Variants in RAB3GAP2 observed in about 807,000 individuals in gnomAD.
RAB3GAP2 encodes the protein rab3 GTPase-activating protein non-catalytic subunit.
Under a neutral mutation model 185.3 loss-of-function variants are expected in RAB3GAP2, and 87 were observed. The ratio of observed to expected loss-of-function variants is 0.47; its 90% CI spans 0.39 to 0.56. The LOEUF (loss-of-function observed/expected upper bound fraction) is 0.56. Among genes scored for constraint, RAB3GAP2 ranks in the 20% least tolerant of loss-of-function variants. The pLI is 0.00. For synonymous variants in RAB3GAP2, 554 were observed against 576.1 expected (o/e 0.96, Z 0.55); for missense variants, 1,492 against 1,638.2 (o/e 0.91, Z 1.54).
At chr1:220,224,080 AC>A (rs1659361437) in intron 2 of RAB3GAP2, among the ~76,000 whole-genome samples, 1 of 152,110 alleles carries the variant, frequency 6.6e-6, no homozygotes, top group South Asian at 2.1e-4. Flanking sequence ...AGGCTAGCTA[AC>A]ATTTATTGAG....
At chr1:220,251,990 A>G (rs1329115997) in intron 1 of RAB3GAP2, among the ~76,000 whole-genome samples, 1 of 152,070 alleles carries the variant, frequency 6.6e-6, no homozygotes, top group Non-Finnish European at 1.5e-5. Flanking sequence ...ATCTCTACAA[A>G]GAAATAGAAA....
rs951861495 is a variant in RAB3GAP2 at position 220,202,346 on chromosome 1, T to A, written c.741A>T (p.Gln247His). ...ATTTCTTATAAGCTAATGGTGGTGG[T>A]TGTATGTTCTCATTGCCTGATGCTG... ...KAAASGNENI[Q>H]PPPLAYKKWG... The change falls in exon 9 of 35, where the codon CAA (glutamine) becomes CAT (histidine). Residue 247 changes from glutamine to histidine, a missense_variant. Transcript: ENST00000358951. The A allele has an allele frequency of 1.9e-6, 3 of 1,613,742 alleles. No individual in the cohort carries two copies. Among genetic ancestry groups the A allele is most frequent in the Admixed American group, 1.7e-5 (1 of 59,996 alleles).
At chr1:220,210,293 C>CA (rs1393346840) in intron 7 of RAB3GAP2, 95 bp downstream of exon 7, 16 of 914,758 alleles carry the variant, frequency 1.7e-5, no homozygotes, top group Non-Finnish European at 2.2e-5. Context: ...TGCCACAAGA[C>CA]AAAGATCTCT....
At chr1:220,245,647 C>G (rs9430921) in intron 1 of RAB3GAP2, among the ~76,000 whole-genome samples, 67,080 of 149,268 alleles carry the variant, frequency 0.45, 17,053 homozygotes, top group African/African-American at 0.7. Context: ...CGGGAAGCCC[C>G]AACTGGGTGG....
chr1:220,191,274 G>A lies in RAB3GAP2; in HGVS notation c.1281C>T (p.Asp427=), dbSNP rs372594666. The part of the protein sequence containing the change: ...IAIRMWKGYR[D]AQIGWIQTVE... Reference sequence around the variant, plus strand: ...CAGTTTGAATCCATCCAATTTGTGCGTCGCGGTACCCTTAGAGACAGAGGT... The same window carrying A: ...CAGTTTGAATCCATCCAATTTGTGCATCGCGGTACCCTTAGAGACAGAGGT... Residue 427 remains aspartate (D), a synonymous_variant, in exon 14 of 35, where the codon GAC becomes GAT. Transcript: ENST00000358951. 75 of 1,586,596 alleles carry A rather than the reference G, an allele frequency of 4.7e-5. No individual in the cohort carries two copies. The Middle Eastern group carries it at 5.1e-4, about 11-fold the overall frequency.
chr1:220,157,879 G>GT lies in RAB3GAP2; in HGVS notation c.3262-4dup, dbSNP rs778765837. 35 of 1,611,746 alleles carry GT rather than the reference G, an allele frequency of 2.2e-5. No homozygotes were observed. In the African/African-American group the frequency reaches 4.1e-4, roughly 19 times the overall value. ...GCTGTGTCACTCATTCCCACATCCT[G>GT]TTTTTTAAAAAGGAACGTAATTAGG... On this transcript the variant is annotated splice_region_variant and splice_polypyrimidine_tract_variant and intron_variant, in intron 29 of 34. Coordinates refer to ENST00000358951, the MANE Select transcript of RAB3GAP2 (RefSeq NM_012414.4).
chr1:220,183,019 G>T, intron 19 of RAB3GAP2, 88 bp from the exon 20 acceptor site: 1 of 1,125,120 alleles, frequency 8.9e-7, no homozygotes, highest in South Asian at 1.3e-5. Context: ...AGCAAAAGTC[G>T]ACTTTTTAAT....
chr1:220,220,735 A>G (rs1659290211), intron 2 of RAB3GAP2: 1 of 154,374 alleles, frequency 6.5e-6, no homozygotes, highest in Non-Finnish European at 1.4e-5. Flanking sequence ...CTGATAGTGA[A>G]TGAGTCTCAC....
intron 21 of RAB3GAP2, among the ~76,000 whole-genome samples, chr1:220,180,808 C>A (rs1252301217): frequency 6.6e-6 from 1 of 152,164 alleles, no homozygotes; most frequent in Non-Finnish European, 1.5e-5. Context: ...AACAAGCTCA[C>A]AGAGGTAGGA....
chr1:220,167,689 A>G lies in RAB3GAP2; in HGVS notation c.2807-14T>C. 1.5e-5 allele frequency: 24 copies of G among 1,612,240 alleles called. No individual in the cohort carries two copies. The highest frequency in any genetic ancestry group is 1.9e-5 in the Non-Finnish European group (23 of 1,179,578). ...CTGCAATGCCACCTATAGTTTGGAGACAAGAAAGAAAATAAAAATTTACAA... is the reference window on the plus strand; with the variant it reads ...CTGCAATGCCACCTATAGTTTGGAGGCAAGAAAGAAAATAAAAATTTACAA... On this transcript the variant is annotated splice_polypyrimidine_tract_variant and intron_variant, in intron 24 of 34. Transcript: ENST00000358951.
At chr1:220,243,000 T>C (rs1388719456) in intron 1 of RAB3GAP2, among the ~76,000 whole-genome samples, 5 of 152,064 alleles carry the variant, frequency 3.3e-5, no homozygotes, top group Non-Finnish European at 5.9e-5. Context: ...TCATTTTCGT[T>C]TTTCAGGAAA....
intron 1 of RAB3GAP2, 33 bp downstream of exon 1, chr1:220,272,190 G>C (rs774780652): frequency 6.5e-7 from 1 of 1,545,936 alleles, no homozygotes; most frequent in Non-Finnish European, 8.8e-7. Flanking sequence ...CGGGTGACGA[G>C]GGAAGGAAGG....
intron 23 of RAB3GAP2, 93 bp downstream of exon 23, chr1:220,171,796 T>C (rs1658182430): frequency 6.8e-7 from 1 of 1,463,822 alleles, no homozygotes; most frequent in Admixed American, 1.7e-5. Context: ...CTCTCCCCGC[T>C]CCAAAAAACC....
chr1:220,264,832 C>A (rs142120823), intron 1 of RAB3GAP2, among the ~76,000 whole-genome samples: 245 of 152,250 alleles, frequency 1.6e-3, no homozygotes, highest in African/African-American at 5.7e-3. Flanking sequence ...CTCCTTCATT[C>A]TCTCCCATCA....
chr1:220,168,263 T>A (rs1236629742), intron 24 of RAB3GAP2, among the ~76,000 whole-genome samples: 3 of 152,166 alleles, frequency 2.0e-5, no homozygotes, highest in Non-Finnish European at 2.9e-5. Flanking sequence ...GTAATTTTTT[T>A]ATATTTTTAG....
At chr1:220,179,376 C>T (rs1032471607) in intron 21 of RAB3GAP2, among the ~76,000 whole-genome samples, 1 of 150,970 alleles carries the variant, frequency 6.6e-6, no homozygotes, top group African/African-American at 2.4e-5. Flanking sequence ...ATATATAAAG[C>T]AAATATTAAT....
At chr1:220,199,579 T>G (rs1007231821) in intron 9 of RAB3GAP2, among the ~76,000 whole-genome samples, 2 of 152,176 alleles carry the variant, frequency 1.3e-5, no homozygotes, top group African/African-American at 4.8e-5. Context: ...CCTGAACTTC[T>G]GACTCTCATG....
intron 8 of RAB3GAP2, 45 bp downstream of exon 8, chr1:220,205,862 A>G (rs764896945): frequency 7.3e-7 from 1 of 1,368,264 alleles, no homozygotes; most frequent in African/African-American, 1.4e-5. Context: ...AAATTAAATA[A>G]AACAAACATT....
rs1448328592 is a variant in RAB3GAP2 at position 220,196,268 on chromosome 1, G to C, written c.942C>G (p.Gly314=). The C allele has an allele frequency of 3.1e-6, 5 of 1,613,338 alleles. No homozygotes were observed. Among genetic ancestry groups the C allele is most frequent in the Non-Finnish European group, 4.2e-6 (5 of 1,179,352 alleles). Residue 314 remains glycine (G), a synonymous_variant, in exon 10 of 35, where the codon GGC becomes GGG. Coordinates refer to ENST00000358951, the MANE Select transcript of RAB3GAP2 (RefSeq NM_012414.4). ...YITVGSNPFT[G]FFYALEGSTQ... is the part of the protein sequence containing the mutation. ...CTCATACCTCTAAAGCATAGAAGAA[G>C]CCAGTAAATGGATTGGACCCTACAG...
Sources: gnomAD v4.1 joint callset for allele counts (sites outside exome capture counted in the v4.1 genomes callset) on GRCh38, gnomAD v4.1.1 for gene constraint, MANE v1.5 for transcripts, NCBI Gene and HGNC (gene_info 2026-07-23, HGNC 2026-07-21) for gene names.